The following SACS variants were observed in gnomAD, a reference collection of about 807,000 sequenced individuals.
SACS encodes sacsin.
Under a neutral mutation model 348.0 loss-of-function variants are expected in SACS, and 197 were observed. The observed-to-expected ratio is 0.57, with a 90% CI of 0.50 to 0.64. The LOEUF (loss-of-function observed/expected upper bound fraction) is 0.64. Ranked by LOEUF, SACS falls within the 30% of genes least tolerant of loss-of-function variation. The pLI, the probability that SACS is intolerant of heterozygous loss-of-function variation, is 0.00. For missense variants in SACS, 4,999 were observed against 5,360.8 expected (o/e 0.93, Z 2.11); for synonymous variants, 1,985 against 1,910.6 (o/e 1.04, Z -1.02).
In SACS at chr13:23,334,288, A is replaced by G. The variant is rs774880969; in HGVS notation, c.9588T>C (p.Tyr3196=). ...CTTTACAGTTCAATAAAATATTACT[A>G]TATTTCAAATATAATGTATTCATAA... The part of the protein sequence containing the change: ...DLFMNTLYLK[Y]SNILLNCKVA... Residue 3196 remains tyrosine (Y), a synonymous_variant, in exon 10 of 10, where the codon TAT becomes TAC. Coordinates refer to ENST00000382292, the MANE Select transcript of SACS (RefSeq NM_014363.6). 12 of 1,601,098 alleles carry G rather than the reference A, an allele frequency of 7.5e-6. No individual in the cohort carries two copies. Among genetic ancestry groups the G allele is most frequent in the Non-Finnish European group, 1.0e-5 (12 of 1,173,274 alleles).
intron 2 of SACS, among the ~76,000 whole-genome samples, chr13:23,378,910 G>T (rs570868558): frequency 2.6e-5 from 4 of 152,226 alleles, no homozygotes; most frequent in African/African-American, 9.6e-5. Context: ...TCATAAAACT[G>T]AATACACTGA....
At position 23,332,185 on chromosome 13, in the gene SACS, A is replaced by C; in HGVS notation, c.11691T>G (p.Ser3897Arg). The change falls in exon 10 of 10, where the codon AGT becomes AGG. Residue 3897 changes from serine to arginine, a missense_variant. Physicochemically the swap from Ser to Arg is moderately radical, Grantham distance 110 (BLOSUM62 -1). Around this residue, in one of 6 missense-constraint regions of SACS, gnomAD observed 831 missense variants for 941.8 expected, o/e 0.88. Coordinates refer to ENST00000382292, the MANE Select transcript of SACS (RefSeq NM_014363.6). Reference protein sequence around the residue: ...SLQNDSVKVRSDLENVRDLAL... With the variant: ...SLQNDSVKVRRDLENVRDLAL... ...CAAGGTCTCGTACATTCTCGAGATC[A>C]CTCCTCACCTTGACTGAATCATTCT... is the stretch of plus-strand genomic sequence containing the variant. 1 of 1,613,908 alleles carries C rather than the reference A, an allele frequency of 6.2e-7. No individual in the cohort carries two copies. Among genetic ancestry groups the C allele is most frequent in the Non-Finnish European group, 8.5e-7 (1 of 1,179,940 alleles).
chr13:23,404,272 G>A (rs186354934), intron 2 of SACS, among the ~76,000 whole-genome samples: 20 of 152,182 alleles, frequency 1.3e-4, no homozygotes, highest in Admixed American at 7.9e-4. Flanking sequence ...TTCAACATAC[G>A]CAAATCAATA....
chr13:23,336,523 T>C lies in SACS; in HGVS notation c.7353A>G (p.Ile2451Met), dbSNP rs773027800. 8.9e-5 allele frequency: 143 copies of C among 1,613,802 alleles called. No homozygotes were observed. The highest frequency in any genetic ancestry group is 1.2e-4 in the Non-Finnish European group (142 of 1,179,864). Residue 2451 changes from isoleucine (I) to methionine (M), a missense_variant, in exon 10 of 10, where the codon ATA becomes ATG. Transcript: ENST00000382292. ...GCATAAGATTAGTATCTGGCAATAA[T>C]ATCTTGCCATAATTTTTCTCACAAA... ...QEFCEKNYGKILLPDTNLMLL... is the reference protein window; with the variant it reads ...QEFCEKNYGKMLLPDTNLMLL...
intron 6 of SACS, among the ~76,000 whole-genome samples, chr13:23,361,800 AG>A (rs958960044): frequency 6.6e-6 from 1 of 151,640 alleles, no homozygotes; most frequent in African/African-American, 2.4e-5. Flanking sequence ...AAAAAAAAAA[AG>A]GAATAAACAT....
intron 2 of SACS, among the ~76,000 whole-genome samples, chr13:23,380,891 AG>A (rs1019069551): frequency 1.3e-5 from 2 of 152,210 alleles, no homozygotes; most frequent in African/African-American, 4.8e-5. Context: ...CATCCGTAAA[AG>A]TTTCTGTGGC....
chr13:23,399,624 C>T (rs1354137868), intron 2 of SACS, among the ~76,000 whole-genome samples: 1 of 152,142 alleles, frequency 6.6e-6, no homozygotes, highest in African/African-American at 2.4e-5. Flanking sequence ...GGACTAACCA[C>T]GTTAGGGATG....
chr13:23,406,817 A>T (rs954693805), intron 2 of SACS, among the ~76,000 whole-genome samples: 1 of 152,258 alleles, frequency 6.6e-6, no homozygotes, highest in Non-Finnish European at 1.5e-5. Flanking sequence ...TTTGTCAATG[A>T]AAACAATCTT....
intron 6 of SACS, among the ~76,000 whole-genome samples, chr13:23,358,730 C>T (rs1295397431): frequency 1.3e-5 from 2 of 152,122 alleles, no homozygotes; most frequent in Non-Finnish European, 2.9e-5. Flanking sequence ...TTAAAGGTTA[C>T]TCAGATACCC....
chr13:23,380,148 T>TGTGTGTGTGTGTGTGTGA (rs35527942), intron 2 of SACS, among the ~76,000 whole-genome samples: 1 of 147,672 alleles, frequency 6.8e-6, no homozygotes, highest in South Asian at 2.1e-4. Flanking sequence ...TGTGTGTGTG[T>TGTGTGTGTGTGTGTGTGA]GAGAGAGAGA....
Position 23,333,352 on chromosome 13 carries a change from C to T in SACS, c.10524G>A (p.Glu3508=). ...GTTGTTCCTTAATCTCTGATAATTCCTCAGCACTTGATAATCTATTCTTAA... is the reference window on the plus strand; with the variant it reads ...GTTGTTCCTTAATCTCTGATAATTCTTCAGCACTTGATAATCTATTCTTAA... ...IYLKNRLSSA[E]ELSEIKEQLF... is the part of the protein sequence containing the mutation. The change falls in exon 10 of 10, where the codon GAG becomes GAA. Residue 3508 remains glutamate, a synonymous_variant. Coordinates refer to ENST00000382292, the MANE Select transcript of SACS (RefSeq NM_014363.6). 3 of 1,598,122 alleles carry T rather than the reference C, an allele frequency of 1.9e-6. No individual in the cohort carries two copies. Among genetic ancestry groups the T allele is most frequent in the Non-Finnish European group, 2.6e-6 (3 of 1,174,668 alleles).
chr13:23,353,051 A>T (rs1265811883), intron 9 of SACS, among the ~76,000 whole-genome samples: 1 of 146,508 alleles, frequency 6.8e-6, no homozygotes, highest in Non-Finnish European at 1.5e-5. Context: ...TCAGGACAAC[A>T]TCTCACTTAG....
chr13:23,373,527 C>A, intron 3 of SACS: 1 of 153,604 alleles, frequency 6.5e-6, no homozygotes, highest in Non-Finnish European at 1.4e-5. Context: ...CCTATAATCC[C>A]AACACTTTGA....
intron 5 of SACS, among the ~76,000 whole-genome samples, 172 bp from the exon 6 acceptor site, chr13:23,365,449 T>C (rs1478036388): frequency 6.6e-6 from 1 of 152,226 alleles, no homozygotes; most frequent in Non-Finnish European, 1.5e-5. Flanking sequence ...AATTGTTACA[T>C]AGATGTGACA....
Position 23,336,702 on chromosome 13 carries a change from T to C in SACS, c.7174A>G (p.Arg2392Gly). 1.9e-6 allele frequency: 3 copies of C among 1,613,898 alleles called. No homozygotes were observed. Among genetic ancestry groups the C allele is most frequent in the Non-Finnish European group, 2.5e-6 (3 of 1,179,874 alleles). Residue 2392 changes from arginine to glycine, a missense_variant, in exon 10 of 10, where the codon AGG (arginine) becomes GGG (glycine). Transcript: ENST00000382292. ...FRELFETVGV[R>G]QSCTVEDFAL... ...AAATCTTCAACAGTGCATGACTGCCTCACACCCACGGTTTCAAAAAGTTCG... is the reference window on the plus strand; with the variant it reads ...AAATCTTCAACAGTGCATGACTGCCCCACACCCACGGTTTCAAAAAGTTCG...
intron 2 of SACS, among the ~76,000 whole-genome samples, chr13:23,401,534 G>A (rs1392683113): frequency 1.3e-5 from 2 of 152,158 alleles, no homozygotes; most frequent in Admixed American, 1.3e-4. Context: ...ATGTCATCAG[G>A]ACTTCCTGAG....
chr13:23,372,775 C>T (rs908871947), intron 3 of SACS, among the ~76,000 whole-genome samples: 19 of 152,344 alleles, frequency 1.2e-4, no homozygotes, highest in African/African-American at 4.3e-4. Flanking sequence ...TGACTCAAAG[C>T]TTGCCAACGT....
intron 3 of SACS, among the ~76,000 whole-genome samples, chr13:23,371,755 A>C (rs185232377): frequency 1.6e-4 from 25 of 152,352 alleles, no homozygotes; most frequent in African/African-American, 6.0e-4. Flanking sequence ...GTAAGTATAC[A>C]CACAAATGCA....
At position 23,369,548 on chromosome 13, in the gene SACS, C is replaced by A. The variant is rs1397166655; in HGVS notation, c.260-1061G>T. 2.8e-5 allele frequency among the ~76,000 whole-genome samples: 4 copies of A among 143,982 alleles called. No individual in the cohort carries two copies. In the East Asian group the frequency reaches 8.0e-4, roughly 29 times the overall value. The allele number at this position is 143,982 out of a possible 152,430, so 94.5% of individuals were successfully genotyped here. On this transcript the variant is annotated intron_variant, in intron 4 of 9. Transcript: ENST00000382292. The stretch of plus-strand genomic sequence containing the variant: ...TCCACAGACTTCTATCCCACCCATT[C>A]TTTTTTTTTTTTTTCAGACGGACTC...
Sources: gnomAD v4.1 joint callset for allele counts (sites outside exome capture counted in the v4.1 genomes callset) on GRCh38, gnomAD v4.1.1 for gene constraint, gnomAD v4.1.1 regional missense constraint, MANE v1.5 for transcripts, NCBI Gene and HGNC (gene_info 2026-07-23, HGNC 2026-07-21) for gene names.